TMEM117: variants seen among roughly 807,000 people sequenced by gnomAD.
The protein encoded by TMEM117 is transmembrane protein 117.
A neutral mutation model predicts 52.4 loss-of-function variants in TMEM117; 27 were observed. The ratio of observed to expected loss-of-function variants is 0.51; its 90% CI spans 0.38 to 0.71. The LOEUF is 0.71. Among genes scored for constraint, TMEM117 ranks in the 30% least tolerant of loss-of-function variants. TMEM117 has a pLI of 0.00. For missense variants in TMEM117, 556 were observed against 630.5 expected (o/e 0.88, Z 1.26); for synonymous variants, 215 against 206.3 (o/e 1.04, Z -0.36).
the TMEM117 span, among the ~76,000 whole-genome samples, chr12:44,396,722 CG>C: frequency 6.6e-6 from 1 of 151,544 alleles, no homozygotes; most frequent in African/African-American, 2.4e-5. Flanking sequence ...GGTGTGGTGG[CG>C]GGCACCTGTA....
rs1347038103 is a variant in TMEM117 at position 44,388,645 on chromosome 12, G to A, written c.1518G>A (p.Thr506=). 6 of 1,613,092 alleles carry A rather than the reference G, an allele frequency of 3.7e-6. No individual in the cohort carries two copies. In the Admixed American group the frequency reaches 6.7e-5, roughly 18 times the overall value. The change falls in exon 8 of 8, where the codon ACG becomes ACA. Residue 506 remains threonine, a synonymous_variant. Coordinates refer to ENST00000266534, the MANE Select transcript of TMEM117 (RefSeq NM_032256.3). ...TSATEADQDP[T]TSKSTPTN ...CAACAGAAGCTGATCAAGACCCAAC[G>A]ACTTCTAAAAGTACACCTACGAACT...
chr12:44,240,236 G>T (rs1297724071), intron 5 of TMEM117, among the ~76,000 whole-genome samples: 1 of 152,052 alleles, frequency 6.6e-6, no homozygotes. Flanking sequence ...CTAATTTATG[G>T]GTCACAGTAG....
At position 43,888,614 on chromosome 12, in the gene TMEM117, C is replaced by A. The variant is rs141196526; in HGVS notation, c.277+43686C>A. On this transcript the variant is annotated intron_variant, in intron 2 of 7. Coordinates refer to ENST00000266534, the MANE Select transcript of TMEM117 (RefSeq NM_032256.3). ...CCAGGCTGGAGTGCAGTGGCATGATCTCGGCTCACTGCAAGCTCCGCCTCT... is the reference window on the plus strand; with the variant it reads ...CCAGGCTGGAGTGCAGTGGCATGATATCGGCTCACTGCAAGCTCCGCCTCT... Among the ~76,000 whole-genome samples, 1,093 of 136,358 alleles carry A rather than the reference C, an allele frequency of 8.0e-3. 12 individuals are homozygous for A. Among genetic ancestry groups the A allele is most frequent in the African/African-American group, 0.028 (994 of 35,390 alleles). 89.5% of individuals were successfully genotyped at this position (136,358 alleles called of 152,430 possible).
chr12:44,390,132 A>G (rs993027889), downstream of TMEM117, among the ~76,000 whole-genome samples: 7 of 151,960 alleles, frequency 4.6e-5, no homozygotes, highest in African/African-American at 1.7e-4. Context: ...ATTTGGAACC[A>G]TGCCCCTGCT....
chr12:43,807,299 A>G, the TMEM117 span, among the ~76,000 whole-genome samples: 8 of 152,298 alleles, frequency 5.3e-5, 1 homozygote, highest in East Asian at 1.4e-3. Context: ...TATACGATGT[A>G]TTTTTCATGA....
chr12:43,799,384 T>TA, the TMEM117 span: 1 of 1,542,440 alleles, frequency 6.5e-7, no homozygotes, highest in Non-Finnish European at 8.9e-7. Flanking sequence ...AAAGACTTTG[T>TA]AGTTGTAACT....
Position 44,122,656 on chromosome 12 carries a change from C to T in TMEM117, c.411-20869C>T, listed in dbSNP as rs143622404. On this transcript the variant is annotated intron_variant, in intron 3 of 7. Coordinates refer to ENST00000266534, the MANE Select transcript of TMEM117 (RefSeq NM_032256.3). ...TCAGCTCCCACTTAATAAGTGAGAACACGCAGTATTTGATTTTCTCTTCCT... is the reference window on the plus strand; with the variant it reads ...TCAGCTCCCACTTAATAAGTGAGAATACGCAGTATTTGATTTTCTCTTCCT... Among the ~76,000 whole-genome samples, 201 of 152,286 alleles carry T rather than the reference C, an allele frequency of 1.3e-3. 1 individual carries two copies. Among genetic ancestry groups the T allele is most frequent in the African/African-American group, 4.8e-3 (198 of 41,568 alleles).
chr12:44,060,136 A>T, intron 3 of TMEM117, among the ~76,000 whole-genome samples: 1 of 152,230 alleles, frequency 6.6e-6, no homozygotes, highest in Non-Finnish European at 1.5e-5. Context: ...TATTGGGAAG[A>T]TTAGTGAAAG....
At chr12:44,377,703 C>A (rs1270671381) in intron 7 of TMEM117, among the ~76,000 whole-genome samples, 2 of 152,144 alleles carry the variant, frequency 1.3e-5, no homozygotes, top group Non-Finnish European at 2.9e-5. Flanking sequence ...GTTTTAAGGA[C>A]AATGGCCTAG....
intron 5 of TMEM117, among the ~76,000 whole-genome samples, chr12:44,285,423 A>G (rs1950626458): frequency 6.6e-6 from 1 of 152,214 alleles, no homozygotes; most frequent in Non-Finnish European, 1.5e-5. Flanking sequence ...GTTCTCAAGG[A>G]TGCTATCTTA....
intron 3 of TMEM117, among the ~76,000 whole-genome samples, chr12:44,058,805 A>C (rs1468123389): frequency 6.6e-6 from 1 of 152,236 alleles, no homozygotes; most frequent in African/African-American, 2.4e-5. Context: ...AGTACTTTGT[A>C]CATTCTTCTC....
chr12:44,120,618 A>G (rs1051592347), intron 3 of TMEM117, among the ~76,000 whole-genome samples: 2 of 152,174 alleles, frequency 1.3e-5, no homozygotes, highest in Non-Finnish European at 2.9e-5. Flanking sequence ...TTATACCCTG[A>G]TGTCCACATT....
chr12:44,251,842 TC>T (rs1950200217), intron 5 of TMEM117, among the ~76,000 whole-genome samples: 1 of 152,158 alleles, frequency 6.6e-6, no homozygotes, highest in Non-Finnish European at 1.5e-5. Flanking sequence ...AGCATTAGCT[TC>T]TTAAAATGTG....
intron 3 of TMEM117, among the ~76,000 whole-genome samples, chr12:44,037,411 A>T (rs543994119): frequency 6.6e-6 from 1 of 152,190 alleles, no homozygotes; most frequent in Admixed American, 6.5e-5. Context: ...GTGCTGTCAC[A>T]ACCCAGCCAT....
chr12:43,883,836 T>C (rs954920123), intron 2 of TMEM117, among the ~76,000 whole-genome samples: 3 of 149,170 alleles, frequency 2.0e-5, no homozygotes, highest in African/African-American at 7.4e-5. Context: ...AGGGAGGAAA[T>C]ATAGTAAGAG....
chr12:44,043,480 A>C (rs1410852873), intron 3 of TMEM117, among the ~76,000 whole-genome samples: 5 of 152,126 alleles, frequency 3.3e-5, no homozygotes, highest in African/African-American at 1.2e-4. Context: ...CGCTGATGAA[A>C]CTTTTTTTGC....
chr12:43,835,099 A>C (rs2137330259), upstream of TMEM117, among the ~76,000 whole-genome samples: 1 of 152,336 alleles, frequency 6.6e-6, no homozygotes, highest in South Asian at 2.1e-4. Context: ...TTACCACAAA[A>C]TATTAGCATG....
chr12:44,329,402 G>A (rs1716605), intron 6 of TMEM117, among the ~76,000 whole-genome samples: 2 of 151,878 alleles, frequency 1.3e-5, no homozygotes, highest in Non-Finnish European at 2.9e-5. Flanking sequence ...TCAACTTCAC[G>A]TAGCCAGAAT....
At chr12:44,095,912 A>T (rs1947751919) in intron 3 of TMEM117, among the ~76,000 whole-genome samples, 1 of 152,172 alleles carries the variant, frequency 6.6e-6, no homozygotes, top group Admixed American at 6.6e-5. Context: ...AATTAGGAAA[A>T]GAGGAAGTCA....
Sources: allele counts gnomAD v4.1 joint callset (sites outside exome capture counted in the v4.1 genomes callset), GRCh38; gene constraint gnomAD v4.1.1; transcripts MANE v1.5; gene names NCBI Gene and HGNC (gene_info 2026-07-23, HGNC 2026-07-21).